RANBP17: variants seen among roughly 807,000 people sequenced by gnomAD.
RANBP17 encodes the protein ran-binding protein 17.
RANBP17 carries 158 observed loss-of-function variants against 141.2 expected under a neutral mutation model. The ratio of observed to expected loss-of-function variants is 1.12; its 90% CI spans 0.98 to 1.28. The LOEUF is 1.28. Ranked by LOEUF, RANBP17 falls within the 50% of genes most tolerant of loss-of-function variation. RANBP17 has a pLI of 0.00. For missense variants in RANBP17, 1,438 were observed against 1,290.7 expected (o/e 1.11, Z -1.75); for synonymous variants, 430 against 450.0 (o/e 0.96, Z 0.56).
chr5:171,031,676 C>G (rs1325034171), intron 14 of RANBP17, among the ~76,000 whole-genome samples: 1 of 151,998 alleles, frequency 6.6e-6, no homozygotes, highest in East Asian at 1.9e-4. Flanking sequence ...GCCATTTCAT[C>G]TAAGAAGCTC....
chr5:171,019,964 G>A (rs1446442001), intron 14 of RANBP17, among the ~76,000 whole-genome samples: 1 of 152,098 alleles, frequency 6.6e-6, no homozygotes, highest in South Asian at 2.1e-4. Context: ...AGAGATTCTA[G>A]TACGTTGTCT....
chr5:170,883,829 T>A (rs1305264954), intron 3 of RANBP17, among the ~76,000 whole-genome samples: 1 of 152,256 alleles, frequency 6.6e-6, no homozygotes, highest in Non-Finnish European at 1.5e-5. Context: ...TGTCTGGGTA[T>A]ACCGCAGTTT....
At chr5:171,122,201 G>C (rs1384874648) in intron 14 of RANBP17, among the ~76,000 whole-genome samples, 1 of 152,188 alleles carries the variant, frequency 6.6e-6, no homozygotes, top group Non-Finnish European at 1.5e-5. Flanking sequence ...CCACAGGTCT[G>C]TCTGCACTCC....
intron 1 of RANBP17, 110 bp downstream of exon 1, chr5:170,862,161 C>A: frequency 8.7e-7 from 1 of 1,147,176 alleles, no homozygotes; most frequent in Non-Finnish European, 1.1e-6. Flanking sequence ...GGGCCGTGGG[C>A]CGGTGTCCCC....
At chr5:170,891,085 C>T (rs1244138635) in intron 3 of RANBP17, among the ~76,000 whole-genome samples, 2 of 152,130 alleles carry the variant, frequency 1.3e-5, no homozygotes, top group South Asian at 2.1e-4. Context: ...TATAACATGA[C>T]ATGTTCCTAA....
intron 14 of RANBP17, among the ~76,000 whole-genome samples, chr5:171,146,655 A>G (rs980681706): frequency 6.6e-6 from 1 of 152,206 alleles, no homozygotes; most frequent in Non-Finnish European, 1.5e-5. Context: ...AACAACTTCT[A>G]TATTATGCCA....
intron 14 of RANBP17, among the ~76,000 whole-genome samples, chr5:170,987,098 G>T (rs975716160): frequency 4.6e-5 from 7 of 151,726 alleles, no homozygotes; most frequent in Non-Finnish European, 8.9e-5. Flanking sequence ...TTTCACTTTG[G>T]TGAAAAATAG....
chr5:171,037,069 G>A (rs114342018), intron 14 of RANBP17, among the ~76,000 whole-genome samples: 4,091 of 151,994 alleles, frequency 0.027, 180 homozygotes, highest in African/African-American at 0.092. Flanking sequence ...GTGTATAAGC[G>A]TTCCCTTATC....
intron 14 of RANBP17, among the ~76,000 whole-genome samples, chr5:171,107,271 TA>T (rs1754912583): frequency 6.6e-6 from 1 of 152,228 alleles, no homozygotes; most frequent in South Asian, 2.1e-4. Context: ...TGTTGCCTGG[TA>T]TCAAAGGAAT....
At chr5:171,212,205 A>G (rs921604632) in intron 20 of RANBP17, among the ~76,000 whole-genome samples, 3 of 152,212 alleles carry the variant, frequency 2.0e-5, no homozygotes, top group African/African-American at 7.2e-5. Flanking sequence ...AATTAGCAGG[A>G]AGATGATAGG....
chr5:170,914,168 T>G lies in RANBP17; in HGVS notation c.762T>G (p.Ile254Met), dbSNP rs765925345. 1.2e-6 allele frequency: 2 copies of G among 1,602,200 alleles called. No homozygotes were observed. Among genetic ancestry groups the G allele is most frequent in the South Asian group, 2.2e-5 (2 of 90,774 alleles). ...TTAGAAAATAATTTTTTTTCCCAGT[T>G]TTCCTGGAACCAGAAACATTGGATC... ...TVQIPTTWRT[I>M]FLEPETLDLF... Residue 254 changes from isoleucine (I) to methionine (M), a missense_variant and splice_region_variant, in exon 8 of 28, where the codon ATT becomes ATG. Physicochemically the swap from Ile to Met is conservative, Grantham distance 10 (BLOSUM62 1). Transcript: ENST00000523189.
At chr5:171,273,830 T>C (rs1767289327) in intron 25 of RANBP17, among the ~76,000 whole-genome samples, 1 of 152,208 alleles carries the variant, frequency 6.6e-6, no homozygotes, top group Admixed American at 6.5e-5. Flanking sequence ...TTCTGAAGCA[T>C]ACTTTTTTGG....
chr5:171,211,451 A>G (rs1032454533), intron 20 of RANBP17, among the ~76,000 whole-genome samples: 61 of 151,860 alleles, frequency 4.0e-4, no homozygotes, highest in Admixed American at 3.9e-3. Context: ...TAGTAGAGAC[A>G]GGGTTTCACC....
At chr5:171,050,080 T>G (rs1782855333) in intron 14 of RANBP17, among the ~76,000 whole-genome samples, 1 of 152,214 alleles carries the variant, frequency 6.6e-6, no homozygotes, top group Non-Finnish European at 1.5e-5. Flanking sequence ...TTAACAATAT[T>G]AATTCTTCCT....
chr5:171,107,200 C>G (rs1754906788), intron 14 of RANBP17, among the ~76,000 whole-genome samples: 2 of 152,230 alleles, frequency 1.3e-5, no homozygotes, highest in African/African-American at 4.8e-5. Flanking sequence ...GTAAAGAACA[C>G]AGCCTTTACA....
chr5:170,886,151 C>G (rs945249109), intron 3 of RANBP17, among the ~76,000 whole-genome samples: 1 of 152,078 alleles, frequency 6.6e-6, no homozygotes, highest in African/African-American at 2.4e-5. Context: ...GTGTATGACC[C>G]CTAATTCAGA....
At chr5:171,124,883 A>G (rs962018449) in intron 14 of RANBP17, among the ~76,000 whole-genome samples, 3 of 152,246 alleles carry the variant, frequency 2.0e-5, no homozygotes, top group African/African-American at 7.2e-5. Context: ...CCTTGAATGT[A>G]AACTGTTTAA....
chr5:170,973,054 G>A (rs536547389), intron 14 of RANBP17, among the ~76,000 whole-genome samples: 1 of 151,824 alleles, frequency 6.6e-6, no homozygotes, highest in African/African-American at 2.4e-5. Context: ...TTTTCCTTTG[G>A]TTTATTCCTG....
intron 1 of RANBP17, among the ~76,000 whole-genome samples, chr5:170,862,528 G>C (rs1766888244): frequency 6.6e-6 from 1 of 152,200 alleles, no homozygotes; most frequent in Admixed American, 6.5e-5. Context: ...CAGCCGGAGC[G>C]GGGGCTTGGG....
Sources: allele counts gnomAD v4.1 joint callset (sites outside exome capture counted in the v4.1 genomes callset), GRCh38; gene constraint gnomAD v4.1.1; transcripts MANE v1.5; gene names NCBI Gene and HGNC (gene_info 2026-07-23, HGNC 2026-07-21).